Variants in NOX4 observed in about 807,000 individuals in gnomAD.
NOX4 encodes the protein NADPH oxidase 4, also known as kidney oxidase-1.
A neutral mutation model predicts 87.6 loss-of-function variants in NOX4; 69 were observed. The observed-to-expected ratio is 0.79, with a 90% confidence interval of 0.65 to 0.96. The LOEUF is 0.96. Among genes scored for constraint, NOX4 ranks in the 40% least tolerant of loss-of-function variants. NOX4 has a pLI of 0.00. For synonymous variants in NOX4, 275 were observed against 238.2 expected (o/e 1.15, Z -1.42); for missense variants, 680 against 681.5 (o/e 1.00, Z 0.02).
chr11:89,522,052 A>T, the NOX4 span, among the ~76,000 whole-genome samples: 1 of 152,178 alleles, frequency 6.6e-6, no homozygotes, highest in Middle Eastern at 3.2e-3. Context: ...TGTCAAGAAA[A>T]GGGAAAGCTT....
At chr11:89,354,859 T>A in intron 13 of NOX4, 103 bp downstream of exon 13, 1 of 636,740 alleles carries the variant, frequency 1.6e-6, no homozygotes, top group Non-Finnish European at 2.7e-6. Flanking sequence ...TTCAAGATTT[T>A]CAGAAATCTT....
chr11:89,445,326 A>C (rs939466230), intron 4 of NOX4, among the ~76,000 whole-genome samples: 8 of 151,938 alleles, frequency 5.3e-5, no homozygotes, highest in African/African-American at 1.7e-4. Flanking sequence ...GAGGGCTTAG[A>C]GTTCTAAGGT....
intron 12 of NOX4, among the ~76,000 whole-genome samples, chr11:89,364,054 G>A (rs1302794958): frequency 3.3e-5 from 5 of 151,968 alleles, no homozygotes; most frequent in African/African-American, 1.2e-4. Context: ...AGACCAGCCT[G>A]GGCAACACAG....
intron 2 of NOX4, among the ~76,000 whole-genome samples, chr11:89,476,701 G>A (rs914905610): frequency 6.6e-6 from 1 of 152,042 alleles, no homozygotes; most frequent in African/African-American, 2.4e-5. Flanking sequence ...TGAAGCAGCA[G>A]GATATTAGAG....
chr11:89,379,187 T>C (rs1377882239), intron 11 of NOX4, among the ~76,000 whole-genome samples: 2 of 152,072 alleles, frequency 1.3e-5, no homozygotes, highest in African/African-American at 2.4e-5. Context: ...TGTCAACACA[T>C]TTTTGAAAAG....
chr11:89,343,273 T>A lies in NOX4; in HGVS notation c.1218-1080A>T, dbSNP rs532323459. On this transcript the variant is annotated intron_variant, in intron 13 of 17. Coordinates refer to ENST00000263317, the MANE Select transcript of NOX4 (RefSeq NM_016931.5). ...TACAGAAAAAAAGTGTGCTAAGAATTGTAGAGGGCCACACAAATATCAGAA... is the reference window on the plus strand; with the variant it reads ...TACAGAAAAAAAGTGTGCTAAGAATAGTAGAGGGCCACACAAATATCAGAA... 3.9e-5 allele frequency among the ~76,000 whole-genome samples: 6 copies of A among 152,254 alleles called. No homozygotes were observed. The South Asian group carries it at 1.2e-3, about 32-fold the overall frequency.
chr11:89,427,084 C>T (rs938092309), intron 7 of NOX4, among the ~76,000 whole-genome samples: 1 of 152,160 alleles, frequency 6.6e-6, no homozygotes, highest in Non-Finnish European at 1.5e-5. Context: ...TGTTCTGCAG[C>T]CTGCACTGCT....
chr11:89,483,526 T>TTA (rs1238064605), intron 2 of NOX4, among the ~76,000 whole-genome samples: 1 of 151,792 alleles, frequency 6.6e-6, no homozygotes, highest in Non-Finnish European at 1.5e-5. Context: ...ATAATGTTAC[T>TTA]TATATGTGTC....
the NOX4 span, among the ~76,000 whole-genome samples, chr11:89,572,895 C>A: frequency 6.6e-6 from 1 of 151,968 alleles, no homozygotes; most frequent in Non-Finnish European, 1.5e-5. Flanking sequence ...TCTACATTTT[C>A]TATTTGTCTT....
the NOX4 span, among the ~76,000 whole-genome samples, chr11:89,507,206 G>T: frequency 1.7e-3 from 263 of 151,950 alleles, 1 homozygote; most frequent in African/African-American, 5.9e-3. Flanking sequence ...GAATCGTTTA[G>T]TAGGGATGGA....
chr11:89,442,062 T>C (rs568854599), intron 5 of NOX4, among the ~76,000 whole-genome samples: 1 of 149,272 alleles, frequency 6.7e-6, no homozygotes, highest in East Asian at 1.9e-4. Flanking sequence ...AATACATAAG[T>C]ATATATACAC....
At chr11:89,391,338 T>C (rs1323178463) in intron 11 of NOX4, among the ~76,000 whole-genome samples, 1 of 152,028 alleles carries the variant, frequency 6.6e-6, no homozygotes, top group African/African-American at 2.4e-5. Flanking sequence ...TGAGTAAGAG[T>C]TCCCAGACAA....
intron 15 of NOX4, among the ~76,000 whole-genome samples, chr11:89,339,348 G>A (rs1034665283): frequency 1.6e-4 from 25 of 152,022 alleles, no homozygotes; most frequent in Admixed American, 9.8e-4. Context: ...ATTAATAAAG[G>A]AATTTGCATA....
At chr11:89,404,950 C>A (rs1289652417) in intron 8 of NOX4, among the ~76,000 whole-genome samples, 2 of 152,010 alleles carry the variant, frequency 1.3e-5, no homozygotes, top group Non-Finnish European at 2.9e-5. Context: ...AAGAGATTAA[C>A]TAAGTATAGT....
intron 11 of NOX4, among the ~76,000 whole-genome samples, chr11:89,389,135 A>AT (rs1313961557): frequency 6.6e-6 from 1 of 152,154 alleles, no homozygotes; most frequent in African/African-American, 2.4e-5. Context: ...TGTGTGTGAG[A>AT]TTTTACCATG....
the NOX4 span, among the ~76,000 whole-genome samples, chr11:89,552,909 G>A: frequency 5.3e-5 from 8 of 152,102 alleles, no homozygotes; most frequent in Admixed American, 5.2e-4. Flanking sequence ...TCCAATACCA[G>A]TTAGGCATGA....
intron 8 of NOX4, among the ~76,000 whole-genome samples, chr11:89,404,539 C>G (rs317131): frequency 2.6e-5 from 4 of 152,048 alleles, no homozygotes; most frequent in African/African-American, 7.2e-5. Flanking sequence ...AGGTCTAGCC[C>G]AGGGAAATGT....
At chr11:89,450,276 T>A (rs1944900027) in intron 3 of NOX4, among the ~76,000 whole-genome samples, 1 of 152,184 alleles carries the variant, frequency 6.6e-6, no homozygotes, top group African/African-American at 2.4e-5. Context: ...TTTCTAAATA[T>A]AATTATGTAG....
At chr11:89,534,649 G>A in the NOX4 span, among the ~76,000 whole-genome samples, 1 of 152,214 alleles carries the variant, frequency 6.6e-6, no homozygotes, top group South Asian at 2.1e-4. Context: ...TGAGAGTGCT[G>A]TCAGCAAAGA....
Sources: allele counts gnomAD v4.1 joint callset (sites outside exome capture counted in the v4.1 genomes callset), GRCh38; gene constraint gnomAD v4.1.1; transcripts MANE v1.5; gene names NCBI Gene and HGNC (gene_info 2026-07-23, HGNC 2026-07-21).